Variants in DYM observed in about 807,000 individuals in gnomAD.
The protein encoded by DYM is dyggve-Melchior-Clausen syndrome protein.
Under a neutral mutation model 93.1 loss-of-function variants are expected in DYM, and 78 were observed. The observed-to-expected ratio is 0.84, with a 90% CI of 0.70 to 1.01. The LOEUF (loss-of-function observed/expected upper bound fraction) is 1.01. DYM is among the 50% of genes least tolerant of loss of function. The pLI, the probability that DYM is intolerant of heterozygous loss-of-function variation, is 0.00. For missense variants in DYM, 789 were observed against 845.0 expected (o/e 0.93, Z 0.82); for synonymous variants, 321 against 319.7 (o/e 1.00, Z -0.04).
intron 8 of DYM, among the ~76,000 whole-genome samples, chr18:49,315,577 C>T (rs566190977): frequency 4.6e-5 from 7 of 152,268 alleles, no homozygotes; most frequent in African/African-American, 1.4e-4. Flanking sequence ...ACTTAAATTA[C>T]GCTGCTCTGC....
At chr18:49,094,630 T>C (rs1275538152) in intron 17 of DYM, among the ~76,000 whole-genome samples, 1 of 152,248 alleles carries the variant, frequency 6.6e-6, no homozygotes, top group Non-Finnish European at 1.5e-5. Context: ...CCAAATAGTA[T>C]GCATTCCCAC....
intron 11 of DYM, among the ~76,000 whole-genome samples, chr18:49,269,821 G>A (rs2094645612): frequency 6.6e-6 from 1 of 152,172 alleles, no homozygotes; most frequent in African/African-American, 2.4e-5. Flanking sequence ...TAGCCTAAGT[G>A]TCTAGTGTTT....
chr18:49,351,775 G>C (rs2065139614), intron 6 of DYM, among the ~76,000 whole-genome samples: 2 of 152,078 alleles, frequency 1.3e-5, no homozygotes, highest in Admixed American at 1.3e-4. Flanking sequence ...TACAAATATA[G>C]ACAAGTAAGG....
chr18:49,198,654 A>G (rs1158451900), intron 14 of DYM, among the ~76,000 whole-genome samples: 1 of 151,094 alleles, frequency 6.6e-6, no homozygotes, highest in Non-Finnish European at 1.5e-5. Flanking sequence ...CCATCAGAGA[A>G]ATGCAAATCA....
chr18:49,369,044 C>T (rs926105669), intron 5 of DYM, among the ~76,000 whole-genome samples: 13 of 152,252 alleles, frequency 8.5e-5, no homozygotes, highest in South Asian at 6.2e-4. Context: ...GCCTGCCAAA[C>T]GGCGGTTCCC....
At chr18:49,404,959 G>A (rs1250881757) in intron 2 of DYM, among the ~76,000 whole-genome samples, 5 of 147,970 alleles carry the variant, frequency 3.4e-5, no homozygotes, top group African/African-American at 5.0e-5. Flanking sequence ...GTTGCAGTGC[G>A]CCAAGGTTGC....
chr18:49,434,661 T>A (rs2080662334), intron 1 of DYM, among the ~76,000 whole-genome samples: 2 of 151,700 alleles, frequency 1.3e-5, no homozygotes, highest in Admixed American at 1.3e-4. Context: ...TATACTACTT[T>A]GATTAAAAAT....
At chr18:49,318,128 C>T (rs2062156552) in intron 8 of DYM, among the ~76,000 whole-genome samples, 1 of 152,164 alleles carries the variant, frequency 6.6e-6, no homozygotes, top group South Asian at 2.1e-4. Flanking sequence ...CTCATGACCA[C>T]AATGTTTCTC....
Position 49,335,567 on chromosome 18 carries a change from T to G in DYM, c.495-1714A>C, listed in dbSNP as rs142684217. Among the ~76,000 whole-genome samples the G allele has an allele frequency of 3.9e-4, 59 of 152,348 alleles. No homozygotes were observed. The East Asian group carries it at 0.01, about 26-fold the overall frequency. Reference sequence around the variant, plus strand: ...TTGATGTTTCATGTCATGTTATGATTTACTAATGATGATTTGATTTGGGTG... The same window carrying G: ...TTGATGTTTCATGTCATGTTATGATGTACTAATGATGATTTGATTTGGGTG... On this transcript the variant is annotated intron_variant, in intron 6 of 17. Coordinates refer to ENST00000675505, the MANE Select transcript of DYM (RefSeq NM_001353214.3).
intron 1 of DYM, among the ~76,000 whole-genome samples, chr18:49,452,149 G>C (rs1328907113): frequency 6.6e-6 from 1 of 152,216 alleles, no homozygotes; most frequent in Non-Finnish European, 1.5e-5. Flanking sequence ...GGCATGTCCA[G>C]AGTTTGTTCC....
At chr18:49,271,417 A>C (rs948391600) in intron 11 of DYM, among the ~76,000 whole-genome samples, 2 of 152,188 alleles carry the variant, frequency 1.3e-5, no homozygotes, top group Non-Finnish European at 2.9e-5. Flanking sequence ...CTGGGAACCC[A>C]GAGGGAACAC....
chr18:49,203,159 C>T (rs2092219611), intron 14 of DYM, among the ~76,000 whole-genome samples: 1 of 88,372 alleles, frequency 1.1e-5, no homozygotes, highest in Non-Finnish European at 2.4e-5. Flanking sequence ...CGGCCAGCCG[C>T]CCCGTCCGGG....
At chr18:49,418,225 G>A (rs569390733) in intron 2 of DYM, among the ~76,000 whole-genome samples, 3 of 152,204 alleles carry the variant, frequency 2.0e-5, no homozygotes, top group African/African-American at 7.2e-5. Flanking sequence ...ACACGATTAT[G>A]TTCACACACA....
rs74401707 is a variant in DYM at position 49,151,548 on chromosome 18, T to C, written c.1728+12137A>G. Among the ~76,000 whole-genome samples, 1,488 of 152,334 alleles carry C rather than the reference T, an allele frequency of 9.8e-3. 50 individuals carry two copies. The highest frequency in any genetic ancestry group is 0.073 in the Admixed American group (1,115 of 15,288). On this transcript the variant is annotated intron_variant, in intron 15 of 17. Coordinates refer to ENST00000675505, the MANE Select transcript of DYM (RefSeq NM_001353214.3). ...AAATTCTTTTCATTTAAGCCTCTTT[T>C]GTAATACTGCTTTTTAATAACCCTC...
In DYM at chr18:49,037,736, TGAG is replaced by T. The variant is rs2070757577; in HGVS notation, c.*6316_*6318del. On this transcript the variant is annotated 3_prime_UTR_variant, in exon 18 of 18. Transcript: ENST00000675505. ...ACCTGGAAATCTATTTCCAAAAATATGAGGATTATAAAATTATCTTTTTGTAAA... is the reference window on the plus strand; with the variant it reads ...ACCTGGAAATCTATTTCCAAAAATATGATTATAAAATTATCTTTTTGTAAA... Among the ~76,000 whole-genome samples the T allele has an allele frequency of 6.6e-6, 1 of 152,206 alleles. No homozygotes were observed. Among genetic ancestry groups the T allele is most frequent in the Non-Finnish European group, 1.5e-5 (1 of 68,040 alleles).
chr18:49,088,119 A>G (rs1440719687), intron 17 of DYM, among the ~76,000 whole-genome samples: 1 of 152,084 alleles, frequency 6.6e-6, no homozygotes, highest in Non-Finnish European at 1.5e-5. Context: ...CTTTAGTTTA[A>G]TTAGATCCCA....
intron 14 of DYM, among the ~76,000 whole-genome samples, chr18:49,202,677 C>G (rs1269880824): frequency 4.7e-5 from 5 of 105,536 alleles, no homozygotes; most frequent in Non-Finnish European, 9.9e-5. Flanking sequence ...CGCCTCTGCC[C>G]GGCCGAGACC....
rs537893294 is a variant in DYM, at chr18:49,159,707, C to A, written c.1728+3978G>T. Reference sequence around the variant, plus strand: ...GAGCAGCCTGGGCAATATAGTGAGACCCAATCTCTACATTTTGGAGTTAGG... The same window carrying A: ...GAGCAGCCTGGGCAATATAGTGAGAACCAATCTCTACATTTTGGAGTTAGG... On this transcript the variant is annotated intron_variant, in intron 15 of 17. Transcript: ENST00000675505. Among the ~76,000 whole-genome samples, 113 of 152,210 alleles carry A rather than the reference C, an allele frequency of 7.4e-4. 2 individuals are homozygous for A. The highest frequency in any genetic ancestry group is 2.7e-3 in the African/African-American group (112 of 41,550).
chr18:49,132,499 T>C (rs186392096), intron 15 of DYM, among the ~76,000 whole-genome samples: 1 of 152,258 alleles, frequency 6.6e-6, no homozygotes, highest in African/African-American at 2.4e-5. Flanking sequence ...GTTGGGTTCA[T>C]ATGGTTTTAT....
Sources: allele counts gnomAD v4.1 joint callset (sites outside exome capture counted in the v4.1 genomes callset), GRCh38; gene constraint gnomAD v4.1.1; transcripts MANE v1.5; gene names NCBI Gene and HGNC (gene_info 2026-07-23, HGNC 2026-07-21).